Variants in NAV3 observed in about 807,000 individuals in gnomAD.
NAV3 encodes the protein neuron navigator 3.
Under a neutral mutation model 244.7 loss-of-function variants are expected in NAV3, and 87 were observed. The observed-to-expected ratio is 0.36, with a 90% CI of 0.30 to 0.42. The LOEUF (loss-of-function observed/expected upper bound fraction) is 0.42, where lower values mean the gene tolerates loss of function less well. NAV3 is among the 20% of genes least tolerant of loss of function. NAV3 has a pLI of 1.00. For synonymous variants in NAV3, 1,126 were observed against 1,042.2 expected (o/e 1.08, Z -1.55); for missense variants, 2,663 against 2,893.3 (o/e 0.92, Z 1.83).
rs543732715 is a variant in NAV3, at chr12:77,653,747, T to G, written c.72+81481T>G. ...TGGGTGAATACAACATAATGCTCTA[T>G]CTTTATATTTATACATCAATGGAAA... On this transcript the variant is annotated intron_variant, in intron 2 of 8. Transcript: ENST00000550042. Among the ~76,000 whole-genome samples, 3 of 152,270 alleles carry G rather than the reference T, an allele frequency of 2.0e-5. No individual in the cohort carries two copies. In the East Asian group the frequency reaches 5.8e-4, roughly 29 times the overall value.
At chr12:78,190,553 T>C (rs1408421742) in intron 34 of NAV3, among the ~76,000 whole-genome samples, 1 of 152,024 alleles carries the variant, frequency 6.6e-6, no homozygotes, top group African/African-American at 2.4e-5. Flanking sequence ...CAAGGAAGAA[T>C]AACTTTTCTT....
At chr12:77,581,688 T>G in intron 2 of NAV3, among the ~76,000 whole-genome samples, 1 of 152,182 alleles carries the variant, frequency 6.6e-6, no homozygotes, top group East Asian at 1.9e-4. Flanking sequence ...TCCACTCAAA[T>G]TAGTAATCCT....
chr12:78,108,367 A>C (rs1215426019), intron 12 of NAV3, among the ~76,000 whole-genome samples: 1 of 152,150 alleles, frequency 6.6e-6, no homozygotes, highest in Non-Finnish European at 1.5e-5. Context: ...GGAGAACTTC[A>C]ACACTCCACT....
intron 9 of NAV3, among the ~76,000 whole-genome samples, chr12:78,049,166 G>A (rs1882339984): frequency 6.6e-6 from 1 of 152,172 alleles, no homozygotes; most frequent in African/African-American, 2.4e-5. Context: ...CCACAGGGGT[G>A]GGATCCACTG....
intron 2 of NAV3, among the ~76,000 whole-genome samples, chr12:77,706,484 ATGTCTGCCAGT>A (rs1308888505): frequency 2.0e-5 from 3 of 151,294 alleles, no homozygotes; most frequent in Non-Finnish European, 1.5e-5. Flanking sequence ...GTACACTCTA[ATGTCTGCCAGT>A]TGGTAAGTTA....
At chr12:77,867,159 G>A (rs1447370246) in intron 1 of NAV3, among the ~76,000 whole-genome samples, 4 of 152,134 alleles carry the variant, frequency 2.6e-5, no homozygotes, top group Admixed American at 2.0e-4. Context: ...GGGACCCGGT[G>A]GGAGATAATT....
chr12:77,642,741 A>G (rs1565749715), intron 2 of NAV3, among the ~76,000 whole-genome samples: 1 of 151,498 alleles, frequency 6.6e-6, no homozygotes, highest in Non-Finnish European at 1.5e-5. Context: ...AAATTTGATC[A>G]TTTTTTTTCT....
At chr12:77,808,469 T>A (rs543669428) in intron 2 of NAV3, among the ~76,000 whole-genome samples, 90 of 152,174 alleles carry the variant, frequency 5.9e-4, no homozygotes, top group Non-Finnish European at 1.1e-3. Flanking sequence ...GGAGGTCCAC[T>A]GCAGACCCTG....
intron 2 of NAV3, among the ~76,000 whole-genome samples, chr12:77,803,909 G>T (rs948036997): frequency 1.3e-5 from 2 of 151,924 alleles, no homozygotes; most frequent in African/African-American, 4.8e-5. Context: ...TATGTTTTTT[G>T]GCCACATAAA....
intron 2 of NAV3, among the ~76,000 whole-genome samples, chr12:77,639,444 C>G (rs1461702939): frequency 6.6e-6 from 1 of 152,120 alleles, no homozygotes; most frequent in East Asian, 1.9e-4. Flanking sequence ...ACATTATATA[C>G]TCACTGGTTT....
chr12:78,055,731 C>A (rs1228892052), intron 11 of NAV3, among the ~76,000 whole-genome samples: 1 of 152,164 alleles, frequency 6.6e-6, no homozygotes, highest in Non-Finnish European at 1.5e-5. Flanking sequence ...GCCTGGAAGT[C>A]ATGCATATGA....
chr12:78,182,876 A>G (rs1388022326), intron 30 of NAV3, among the ~76,000 whole-genome samples: 1 of 151,962 alleles, frequency 6.6e-6, no homozygotes, highest in Non-Finnish European at 1.5e-5. Context: ...TGGGTTCAAC[A>G]CTTGGAAATC....
At chr12:77,920,136 G>A (rs757217728) in intron 1 of NAV3, among the ~76,000 whole-genome samples, 1 of 151,936 alleles carries the variant, frequency 6.6e-6, no homozygotes, top group Non-Finnish European at 1.5e-5. Context: ...TTAGCAAATT[G>A]CTTAGTATCT....
chr12:77,889,597 T>C (rs575592513), intron 1 of NAV3, among the ~76,000 whole-genome samples: 27 of 152,364 alleles, frequency 1.8e-4, no homozygotes, highest in Admixed American at 3.3e-4. Flanking sequence ...ATTCATGTTA[T>C]ACTGAACTCT....
chr12:77,712,630 C>T (rs1876175457), intron 2 of NAV3, among the ~76,000 whole-genome samples: 1 of 152,096 alleles, frequency 6.6e-6, no homozygotes, highest in South Asian at 2.1e-4. Flanking sequence ...TCTTGTTTTG[C>T]CTGTTGGATT....
Position 77,657,331 on chromosome 12 carries a change from C to T in NAV3, c.72+85065C>T, listed in dbSNP as rs555207432. Among the ~76,000 whole-genome samples, 186 of 152,320 alleles carry T rather than the reference C, an allele frequency of 1.2e-3. 1 individual carries two copies. Among genetic ancestry groups the T allele is most frequent in the African/African-American group, 4.2e-3 (175 of 41,576 alleles). The stretch of plus-strand genomic sequence containing the variant: ...CCATCAGAGAATACTACAAACACCT[C>T]TACACAAATAAGCTAGAAAATCTAG... On this transcript the variant is annotated intron_variant, in intron 2 of 8. Transcript: ENST00000550042.
chr12:78,135,648 G>A (rs1956341862), intron 18 of NAV3, among the ~76,000 whole-genome samples: 1 of 151,980 alleles, frequency 6.6e-6, no homozygotes, highest in Non-Finnish European at 1.5e-5. Context: ...CCAAGAATAG[G>A]GTGACTTACC....
chr12:78,125,866 A>G (rs1955884167), intron 16 of NAV3, among the ~76,000 whole-genome samples: 2 of 152,330 alleles, frequency 1.3e-5, no homozygotes, highest in South Asian at 4.1e-4. Flanking sequence ...TAATTTTTAT[A>G]CAACTGGATG....
At chr12:77,790,261 C>A (rs1026742795) in intron 2 of NAV3, among the ~76,000 whole-genome samples, 8 of 152,196 alleles carry the variant, frequency 5.3e-5, no homozygotes, top group African/African-American at 1.9e-4. Flanking sequence ...GTTTTCTTCA[C>A]AAAACTTCAC....
Sources: allele counts gnomAD v4.1 joint callset (sites outside exome capture counted in the v4.1 genomes callset), GRCh38; gene constraint gnomAD v4.1.1; transcripts MANE v1.5; gene names NCBI Gene and HGNC (gene_info 2026-07-23, HGNC 2026-07-21).